ANKRD16: variants seen among roughly 807,000 people sequenced by gnomAD.
The protein encoded by ANKRD16 is ankyrin repeat domain-containing protein 16.
In ANKRD16, 35 loss-of-function variants were observed where a neutral mutation model predicts 37.9. The ratio of observed to expected loss-of-function variants is 0.92; its 90% CI spans 0.71 to 1.23. ANKRD16 has a LOEUF of 1.23. Among genes scored for constraint, ANKRD16 ranks in the 50% most tolerant of loss-of-function variants. The pLI is 0.00. For missense variants in ANKRD16, 480 were observed against 469.9 expected, an observed-to-expected ratio of 1.02 and a Z score of -0.20; for synonymous variants, 206 against 197.2, an observed-to-expected ratio of 1.04 and a Z score of -0.37.
rs188645619 is a variant in ANKRD16, at chr10:5,884,649, T to C, written c.579-572A>G. ...TAGGAGGTTGAGGCAGGAGAATCGC[T>C]TGAACCTGGGAGGTGGAGGTTGCAG... is the stretch of plus-strand genomic sequence containing the variant. On this transcript the variant is annotated intron_variant, in intron 3 of 7. Transcript: ENST00000380094. 2.9e-3 allele frequency among the ~76,000 whole-genome samples: 440 copies of C among 150,776 alleles called. 2 individuals carry two copies. The highest frequency in any genetic ancestry group is 0.01 in the African/African-American group (413 of 41,014).
Position 5,869,925 on chromosome 10 carries a change from C to T in ANKRD16, c.*34-7234G>A, listed in dbSNP as rs1289487786. ...GGATCGCATCACTTAGCATGGTATC[C>T]AGTAGGTAGTTTTTTTGACTGGCCC... On this transcript the variant is annotated intron_variant, in intron 7 of 7. Transcript: ENST00000380094. This position sits in a 1 kb window ranked among gnomAD's most constrained non-coding sequence, Gnocchi z 4.0. Among the ~76,000 whole-genome samples, 3 of 152,054 alleles carry T rather than the reference C, an allele frequency of 2.0e-5. No individual in the cohort carries two copies. Among genetic ancestry groups the T allele is most frequent in the African/African-American group, 7.2e-5 (3 of 41,396 alleles).
intron 4 of ANKRD16, 88 bp downstream of exon 4, chr10:5,883,881 G>T: frequency 8.6e-7 from 1 of 1,162,716 alleles, no homozygotes; most frequent in South Asian, 1.4e-5. Context: ...ATGGAACCTG[G>T]GATCTGAGTA....
chr10:5,865,301 G>A lies in ANKRD16; in HGVS notation c.*34-2610C>T, dbSNP rs1010120482. ...TATGCCGAGGCAATCACTGGAAGGT[G>A]CACTGCCCCAGAGGACAAAGGTTCT... On this transcript the variant is annotated intron_variant, in intron 7 of 7. Transcript: ENST00000380094. This position sits in a 1 kb window ranked among gnomAD's most constrained non-coding sequence, Gnocchi z 4.7. Among the ~76,000 whole-genome samples the A allele has an allele frequency of 6.6e-6, 1 of 152,214 alleles. No individual in the cohort carries two copies. The highest frequency in any genetic ancestry group is 6.5e-5 in the Admixed American group (1 of 15,286).
At chr10:5,877,739 C>T (rs1280363427) in intron 7 of ANKRD16, among the ~76,000 whole-genome samples, 1 of 152,198 alleles carries the variant, frequency 6.6e-6, no homozygotes, top group Admixed American at 6.5e-5. Flanking sequence ...ACAGCCTTAC[C>T]ATGCAGCAGT....
rs1842087633 is a variant in ANKRD16 at position 5,871,368 on chromosome 10, C to A, written c.*33+6729G>T. 6.6e-6 allele frequency among the ~76,000 whole-genome samples: 1 copy of A among 150,428 alleles called. No individual in the cohort carries two copies. The highest frequency in any genetic ancestry group is 2.4e-5 in the African/African-American group (1 of 40,922). ...AGCCATTGCACTCTAGCCTGGGCGACAGAGCTAGACTCCAACTCAAATAAA... is the reference window on the plus strand; with the variant it reads ...AGCCATTGCACTCTAGCCTGGGCGAAAGAGCTAGACTCCAACTCAAATAAA... On this transcript the variant is annotated intron_variant, in intron 7 of 7. Coordinates refer to ENST00000380094, the MANE Select transcript of ANKRD16 (RefSeq NM_019046.3). The surrounding 1 kb of genome is among the most constrained non-coding windows in gnomAD (Gnocchi z 4.5).
chr10:5,876,575 G>T (rs1842189320), intron 7 of ANKRD16, among the ~76,000 whole-genome samples: 1 of 152,206 alleles, frequency 6.6e-6, no homozygotes, highest in African/African-American at 2.4e-5. Context: ...AGTGCAGATG[G>T]AGAGTGTGTA....
chr10:5,873,712 C>A (rs1842139866), intron 7 of ANKRD16, among the ~76,000 whole-genome samples: 1 of 152,194 alleles, frequency 6.6e-6, no homozygotes, highest in African/African-American at 2.4e-5. Context: ...ACTGTCTGAG[C>A]ACCCTCCCTA....
Position 5,883,104 on chromosome 10 carries a change from GC to G in ANKRD16, c.750del (p.Gln251ArgfsTer16). ...ACCAAGAATCGGATGGCTTCGTCCT[GC>G]CCTGTGACAGCTGCCCTGTGCAGAG... ...AQALHRAAVT[G>X]QDEAIRFLVS... On this transcript the variant is annotated frameshift_variant, in exon 5 of 8. Coordinates refer to ENST00000380094, the MANE Select transcript of ANKRD16 (RefSeq NM_019046.3). LOFTEE classifies it high-confidence loss of function. 6.2e-7 allele frequency: 1 copy of G among 1,614,078 alleles called. No homozygotes were observed. The highest frequency in any genetic ancestry group is 8.5e-7 in the Non-Finnish European group (1 of 1,180,036).
chr10:5,872,816 A>G (rs971075695), intron 7 of ANKRD16, among the ~76,000 whole-genome samples: 9 of 151,442 alleles, frequency 5.9e-5, no homozygotes, highest in Admixed American at 2.0e-4. Flanking sequence ...TTGGCCTCCC[A>G]AAGTGCTGGC....
intron 5 of ANKRD16, among the ~76,000 whole-genome samples, chr10:5,881,431 ATAT>A (rs1401021493): frequency 1.2e-5 from 1 of 86,672 alleles, no homozygotes; most frequent in African/African-American, 4.3e-5. Flanking sequence ...TAAAATAAAA[ATAT>A]TATTTATATA....
rs1842018233 is a variant in ANKRD16, at chr10:5,866,713, G to C, written c.*34-4022C>G. 6.6e-6 allele frequency among the ~76,000 whole-genome samples: 1 copy of C among 152,164 alleles called. No individual in the cohort carries two copies. The highest frequency in any genetic ancestry group is 2.4e-5 in the African/African-American group (1 of 41,442). The stretch of plus-strand genomic sequence containing the variant: ...CATCAAAAAGGGGAAGGAGAGGGGA[G>C]AACAGCAGCGTAAGTGGCTGGCAGA... On this transcript the variant is annotated intron_variant, in intron 7 of 7. Transcript: ENST00000380094. This position sits in a 1 kb window ranked among gnomAD's most constrained non-coding sequence, Gnocchi z 4.3.
In ANKRD16 at chr10:5,888,082, G is replaced by A. The variant is rs747105504; in HGVS notation, c.315-15C>T. The stretch of plus-strand genomic sequence containing the variant: ...TCAGAGGAGTCCTAAGGCCAACCAG[G>A]AGAAGCTGTCAGATGGAGGCAGCTG... On this transcript the variant is annotated splice_polypyrimidine_tract_variant and intron_variant, in intron 1 of 7. Transcript: ENST00000380094. The A allele has an allele frequency of 3.2e-5, 52 of 1,611,596 alleles. No individual in the cohort carries two copies. Among genetic ancestry groups the A allele is most frequent in the Admixed American group, 2.3e-4 (14 of 59,890 alleles).
rs115388220 is a variant in ANKRD16 at position 5,865,084 on chromosome 10, A to T, written c.*34-2393T>A. 0.042 allele frequency among the ~76,000 whole-genome samples: 6,453 copies of T among 152,216 alleles called. 429 individuals carry two copies. Among genetic ancestry groups the T allele is most frequent in the African/African-American group, 0.15 (6,052 of 41,492 alleles). On this transcript the variant is annotated intron_variant, in intron 7 of 7. Transcript: ENST00000380094. This position sits in a 1 kb window ranked among gnomAD's most constrained non-coding sequence, Gnocchi z 4.7. ...AAGGACCAAGAGGAACAGGCTGAAA[A>T]GGAAACGTTAGATCAGAGAAAGGCT...
chr10:5,883,401 T>A (rs1254490494), intron 4 of ANKRD16, among the ~76,000 whole-genome samples: 1 of 152,174 alleles, frequency 6.6e-6, no homozygotes, highest in African/African-American at 2.4e-5. Context: ...ACAACCTCCA[T>A]CTCCTTGGTT....
At position 5,864,815 on chromosome 10, in the gene ANKRD16, G is replaced by C. The variant is rs1399316834; in HGVS notation, c.*34-2124C>G. On this transcript the variant is annotated intron_variant, in intron 7 of 7. Coordinates refer to ENST00000380094, the MANE Select transcript of ANKRD16 (RefSeq NM_019046.3). The surrounding 1 kb of genome is among the most constrained non-coding windows in gnomAD (Gnocchi z 4.4). Reference sequence around the variant, plus strand: ...TTAGGAAAAAGCCTGTGAATTATTTGATGATGTCCACCATAACTCAGGGAA... The same window carrying C: ...TTAGGAAAAAGCCTGTGAATTATTTCATGATGTCCACCATAACTCAGGGAA... Among the ~76,000 whole-genome samples the C allele has an allele frequency of 6.6e-6, 1 of 152,180 alleles. No homozygotes were observed. Among genetic ancestry groups the C allele is most frequent in the Non-Finnish European group, 1.5e-5 (1 of 68,030 alleles).
In ANKRD16 at chr10:5,862,772, C is replaced by T; in HGVS notation, c.*34-81G>A. ...AGGGCAAGCAGCTAGCACAAGGTCC[C>T]ACAGCTGGACTCAGGGCTGCTGGCT... On this transcript the variant is annotated intron_variant, in intron 7 of 7. Transcript: ENST00000380094. This position sits in a 1 kb window ranked among gnomAD's most constrained non-coding sequence, Gnocchi z 6.5. 1.0e-6 allele frequency: 1 copy of T among 981,964 alleles called. No individual in the cohort carries two copies. The allele number at this position is 981,964 out of a possible 1,614,324, so 60.8% of individuals were successfully genotyped here.
Position 5,884,574 on chromosome 10 carries a change from T to C in ANKRD16, c.579-497A>G, listed in dbSNP as rs145267349. Among the ~76,000 whole-genome samples the C allele has an allele frequency of 3.8e-3, 578 of 151,894 alleles. 4 individuals carry two copies. Among genetic ancestry groups the C allele is most frequent in the African/African-American group, 0.013 (538 of 41,402 alleles). On this transcript the variant is annotated intron_variant, in intron 3 of 7. Coordinates refer to ENST00000380094, the MANE Select transcript of ANKRD16 (RefSeq NM_019046.3). ...GGTGAAACCCCGTCTCTACCAAAAATATAAAAAATTAGCCAGGTATGGTGG... is the reference window on the plus strand; with the variant it reads ...GGTGAAACCCCGTCTCTACCAAAAACATAAAAAATTAGCCAGGTATGGTGG...
At position 5,866,765 on chromosome 10, in the gene ANKRD16, G is replaced by A. The variant is rs1842018809; in HGVS notation, c.*34-4074C>T. Among the ~76,000 whole-genome samples the A allele has an allele frequency of 6.6e-6, 1 of 151,998 alleles. No homozygotes were observed. Among genetic ancestry groups the A allele is most frequent in the Non-Finnish European group, 1.5e-5 (1 of 68,006 alleles). Reference sequence around the variant, plus strand: ...GCAGGGAAAGACCAGCAGAAAGGAAGGAGAGAAAGAGACAGACAGAGAGAA... The same window carrying A: ...GCAGGGAAAGACCAGCAGAAAGGAAAGAGAGAAAGAGACAGACAGAGAGAA... On this transcript the variant is annotated intron_variant, in intron 7 of 7. Coordinates refer to ENST00000380094, the MANE Select transcript of ANKRD16 (RefSeq NM_019046.3). This position sits in a 1 kb window ranked among gnomAD's most constrained non-coding sequence, Gnocchi z 4.3.
intron 7 of ANKRD16, among the ~76,000 whole-genome samples, chr10:5,867,032 G>A (rs1391192135): frequency 6.6e-6 from 1 of 152,208 alleles, no homozygotes; most frequent in Non-Finnish European, 1.5e-5. Context: ...AGAAAAAACA[G>A]TGTACCCTAT....
Sources: gnomAD v4.1 joint callset for allele counts (sites outside exome capture counted in the v4.1 genomes callset) on GRCh38, gnomAD v4.1.1 for gene constraint, Gnocchi (gnomAD v3.1) non-coding constraint, MANE v1.5 for transcripts, NCBI Gene and HGNC (gene_info 2026-07-23, HGNC 2026-07-21) for gene names.